KLHL1: variants seen among roughly 807,000 people sequenced by gnomAD.
The protein encoded by KLHL1 is kelch-like protein 1.
In KLHL1, 47 loss-of-function variants were observed where a neutral mutation model predicts 77.7. That is an observed-to-expected ratio of 0.60 (90% CI 0.48 to 0.77). The LOEUF is 0.77. KLHL1 is among the 30% of genes least tolerant of loss of function. The probability of loss-of-function intolerance (pLI) is 0.00; values close to 1 mark genes in which losing one functional copy is unlikely to be tolerated. For missense variants in KLHL1, 925 were observed against 910.8 expected (o/e 1.02, Z -0.20); for synonymous variants, 360 against 325.2 (o/e 1.11, Z -1.15).
Position 69,940,073 on chromosome 13 carries a change from A to G in KLHL1, c.981T>C (p.Ile327=), listed in dbSNP as rs773812745. 6 of 1,611,226 alleles carry G rather than the reference A, an allele frequency of 3.7e-6. No homozygotes were observed. The highest frequency in any genetic ancestry group is 1.1e-5 in the South Asian group (1 of 90,598). The part of the protein sequence containing the change: ...IRAFADAQGC[I]ELMKVAHSYT... ...AGCTGTGGGCCACCTTCATTAACTC[A>G]ATGCATCCTTGAGCATCTGCGAAGG... Residue 327 remains isoleucine (I), a synonymous_variant, in exon 4 of 11, where the codon ATT becomes ATC. Coordinates refer to ENST00000377844, the MANE Select transcript of KLHL1 (RefSeq NM_020866.3).
chr13:69,866,413 C>T (rs1024782376), intron 5 of KLHL1, among the ~76,000 whole-genome samples: 2 of 152,020 alleles, frequency 1.3e-5, no homozygotes, highest in South Asian at 2.1e-4. Context: ...GGATCATTTA[C>T]TCTAAATGAA....
chr13:69,841,080 C>A (rs1375311502), intron 5 of KLHL1, among the ~76,000 whole-genome samples: 1 of 151,780 alleles, frequency 6.6e-6, no homozygotes, highest in East Asian at 1.9e-4. Flanking sequence ...ACTATTCTTT[C>A]ATTTGGAACA....
intron 5 of KLHL1, among the ~76,000 whole-genome samples, chr13:69,855,397 T>TAG (rs536826812): frequency 0.088 from 13,140 of 150,020 alleles, 832 homozygotes; most frequent in African/African-American, 0.11. Context: ...GAGATAGAGA[T>TAG]AGATAGAGAT....
Position 69,998,858 on chromosome 13 carries a change from A to T in KLHL1, c.498-23056T>A, listed in dbSNP as rs538271827. 7.9e-5 allele frequency among the ~76,000 whole-genome samples: 12 copies of T among 152,052 alleles called. No individual in the cohort carries two copies. In the South Asian group the frequency reaches 2.5e-3, roughly 32 times the overall value. On this transcript the variant is annotated intron_variant, in intron 1 of 10. Coordinates refer to ENST00000377844, the MANE Select transcript of KLHL1 (RefSeq NM_020866.3). ...CACCCAAGCTCACCCATTTTGTTGGAAAAGTCATTTTTTTGTGTCTCTAGA... is the reference window on the plus strand; with the variant it reads ...CACCCAAGCTCACCCATTTTGTTGGTAAAGTCATTTTTTTGTGTCTCTAGA...
intron 3 of KLHL1, among the ~76,000 whole-genome samples, chr13:69,950,136 TAGAAA>T (rs956729558): frequency 6.6e-6 from 1 of 151,680 alleles, no homozygotes; most frequent in African/African-American, 2.4e-5. Context: ...GAGAAACTGT[TAGAAA>T]AGTCAGAAAA....
chr13:69,850,004 A>G (rs1287319177), intron 5 of KLHL1, among the ~76,000 whole-genome samples: 2 of 151,512 alleles, frequency 1.3e-5, no homozygotes, highest in Non-Finnish European at 3.0e-5. Flanking sequence ...CCAAATATCT[A>G]TATTACTAAA....
At chr13:69,788,229 C>T (rs981743180) in intron 7 of KLHL1, among the ~76,000 whole-genome samples, 1 of 152,220 alleles carries the variant, frequency 6.6e-6, no homozygotes, top group Non-Finnish European at 1.5e-5. Flanking sequence ...TATTGTGGCA[C>T]TATTCACAAT....
intron 1 of KLHL1, among the ~76,000 whole-genome samples, chr13:69,998,575 A>G (rs1417411116): frequency 6.6e-6 from 1 of 152,048 alleles, no homozygotes; most frequent in Non-Finnish European, 1.5e-5. Flanking sequence ...TGGAAATGTA[A>G]CTCAATCCCC....
At chr13:69,824,398 T>A (rs532568817) in intron 6 of KLHL1, among the ~76,000 whole-genome samples, 1 of 152,184 alleles carries the variant, frequency 6.6e-6, no homozygotes, top group African/African-American at 2.4e-5. Flanking sequence ...ATGTTTTTCA[T>A]GAATATGTTT....
At chr13:70,060,897 A>C (rs749451670) in intron 1 of KLHL1, among the ~76,000 whole-genome samples, 1 of 152,148 alleles carries the variant, frequency 6.6e-6, no homozygotes, top group African/African-American at 2.4e-5. Flanking sequence ...CCCTTCAGCT[A>C]TAAAAAAAGA....
At chr13:69,775,732 T>C (rs1005452245) in intron 7 of KLHL1, among the ~76,000 whole-genome samples, 9 of 151,992 alleles carry the variant, frequency 5.9e-5, no homozygotes, top group African/African-American at 2.2e-4. Context: ...GCTCTGTCAC[T>C]AGGACTGGAG....
chr13:69,823,071 TC>T (rs1878402553), intron 6 of KLHL1, among the ~76,000 whole-genome samples: 1 of 152,162 alleles, frequency 6.6e-6, no homozygotes, highest in South Asian at 2.1e-4. Context: ...AAGCCTCACC[TC>T]CGATGGATAG....
At chr13:69,899,909 A>G (rs1279323034) in intron 4 of KLHL1, among the ~76,000 whole-genome samples, 1 of 152,006 alleles carries the variant, frequency 6.6e-6, no homozygotes, top group African/African-American at 2.4e-5. Flanking sequence ...TGTTGCTACA[A>G]TAGGCCCACA....
intron 1 of KLHL1, among the ~76,000 whole-genome samples, chr13:70,003,420 T>C (rs1474443207): frequency 6.6e-6 from 1 of 151,706 alleles, no homozygotes; most frequent in Non-Finnish European, 1.5e-5. Flanking sequence ...ACATGTTAAA[T>C]ACATTCAATT....
At chr13:69,788,596 G>C (rs919327618) in intron 7 of KLHL1, among the ~76,000 whole-genome samples, 3 of 152,032 alleles carry the variant, frequency 2.0e-5, no homozygotes, top group African/African-American at 7.3e-5. Context: ...CACCAACATG[G>C]CACATGTATG....
At chr13:69,886,005 C>T (rs1047785567) in intron 4 of KLHL1, among the ~76,000 whole-genome samples, 21 of 152,108 alleles carry the variant, frequency 1.4e-4, no homozygotes, top group Non-Finnish European at 2.9e-4. Flanking sequence ...CCATAGTTGT[C>T]AATTTGATTG....
chr13:69,807,267 G>A (rs954850265), intron 6 of KLHL1, among the ~76,000 whole-genome samples: 3 of 152,018 alleles, frequency 2.0e-5, no homozygotes, highest in Admixed American at 2.0e-4. Context: ...ACCCTCTCCA[G>A]GCTCAAGATA....
At chr13:70,020,004 G>A (rs577412969) in intron 1 of KLHL1, among the ~76,000 whole-genome samples, 1 of 152,048 alleles carries the variant, frequency 6.6e-6, no homozygotes, top group South Asian at 2.1e-4. Flanking sequence ...TTGCCCTTCT[G>A]CCTTCTGTCA....
chr13:69,845,056 A>T (rs1879407660), intron 5 of KLHL1, among the ~76,000 whole-genome samples: 1 of 151,654 alleles, frequency 6.6e-6, no homozygotes, highest in Non-Finnish European at 1.5e-5. Context: ...CAAGAGCCTA[A>T]CCTTGCTGTG....
Sources: gnomAD v4.1 joint callset for allele counts (sites outside exome capture counted in the v4.1 genomes callset) on GRCh38, gnomAD v4.1.1 for gene constraint, MANE v1.5 for transcripts, NCBI Gene and HGNC (gene_info 2026-07-23, HGNC 2026-07-21) for gene names.